ZNF407: variants seen among roughly 807,000 people sequenced by gnomAD.
ZNF407 encodes zinc finger protein 407.
In ZNF407, 17 loss-of-function variants were observed where a neutral mutation model predicts 131.2. The observed-to-expected ratio is 0.13, with a 90% CI of 0.09 to 0.19. The LOEUF is 0.19. Ranked by LOEUF, ZNF407 falls within the 10% of genes least tolerant of loss-of-function variation. ZNF407 has a pLI of 1.00. For missense variants in ZNF407, 2,681 were observed against 2,830.6 expected, an observed-to-expected ratio of 0.95 and a Z score of 1.20; for synonymous variants, 1,156 against 1,062.0, an observed-to-expected ratio of 1.09 and a Z score of -1.72.
chr18:74,890,069 G>T, intron 7 of ZNF407, 31 bp downstream of exon 7: 1 of 1,476,972 alleles, frequency 6.8e-7, no homozygotes, highest in Non-Finnish European at 9.0e-7. Flanking sequence ...AGTCAAATCA[G>T]GTGGGCCGCC....
intron 2 of ZNF407, 71 bp from the exon 3 acceptor site, chr18:74,640,937 A>C: frequency 8.9e-7 from 1 of 1,126,888 alleles, no homozygotes; most frequent in South Asian, 1.3e-5. Flanking sequence ...TTTAAGATTT[A>C]GTCCTCTTTT....
intron 4 of ZNF407, among the ~76,000 whole-genome samples, chr18:74,798,314 C>T (rs1969959934): frequency 6.6e-6 from 1 of 150,556 alleles, no homozygotes; most frequent in East Asian, 1.9e-4. Flanking sequence ...ATGAGGAAAA[C>T]ATTGTAAAGC....
chr18:74,875,625 T>C (rs532123223), intron 4 of ZNF407, among the ~76,000 whole-genome samples: 2 of 152,282 alleles, frequency 1.3e-5, no homozygotes, highest in African/African-American at 4.8e-5. Context: ...GTTAAATGCA[T>C]GAAGACCCGT....
chr18:74,902,749 ACT>A (rs1307628364), intron 7 of ZNF407, among the ~76,000 whole-genome samples: 1 of 152,224 alleles, frequency 6.6e-6, no homozygotes, highest in African/African-American at 2.4e-5. Flanking sequence ...GCAACTGTAG[ACT>A]TAGGGAGCTC....
At chr18:74,777,966 C>T (rs928520922) in intron 3 of ZNF407, among the ~76,000 whole-genome samples, 1 of 152,146 alleles carries the variant, frequency 6.6e-6, no homozygotes, top group Non-Finnish European at 1.5e-5. Flanking sequence ...GCTTCAGTCC[C>T]AGCTACTGGG....
intron 8 of ZNF407, among the ~76,000 whole-genome samples, chr18:74,966,677 A>T (rs1972413580): frequency 6.6e-6 from 1 of 151,884 alleles, no homozygotes; most frequent in Non-Finnish European, 1.5e-5. Context: ...AAATTTTAGG[A>T]TTTTGTGTTT....
At chr18:74,611,227 A>G (rs1983046469) in intron 1 of ZNF407, among the ~76,000 whole-genome samples, 1 of 152,262 alleles carries the variant, frequency 6.6e-6, no homozygotes. Flanking sequence ...GGTATAGGAA[A>G]GGGGTCTTAA....
intron 3 of ZNF407, among the ~76,000 whole-genome samples, chr18:74,663,529 A>C (rs1297961289): frequency 6.6e-6 from 1 of 152,148 alleles, no homozygotes; most frequent in Non-Finnish European, 1.5e-5. Flanking sequence ...TAAGAATAGA[A>C]CGCAGGTCCC....
intron 4 of ZNF407, among the ~76,000 whole-genome samples, chr18:74,798,683 T>G (rs771733269): frequency 2.6e-5 from 4 of 152,154 alleles, no homozygotes; most frequent in Non-Finnish European, 5.9e-5. Flanking sequence ...ATGACAAACT[T>G]TAGTGATAGG....
chr18:74,670,290 A>G (rs1986091653), intron 3 of ZNF407, among the ~76,000 whole-genome samples: 2 of 152,244 alleles, frequency 1.3e-5, no homozygotes, highest in Admixed American at 6.5e-5. Flanking sequence ...TTTAGTTTAA[A>G]GAATCGCATC....
At chr18:75,046,923 G>A (rs894265628) in intron 8 of ZNF407, among the ~76,000 whole-genome samples, 4 of 152,184 alleles carry the variant, frequency 2.6e-5, no homozygotes, top group Non-Finnish European at 5.9e-5. Flanking sequence ...AATAAATTAT[G>A]TTCATGGCAG....
rs147265242 is a variant in ZNF407, at chr18:74,762,497, T to G, written c.4803-18931T>G. ...CATATTTAGACATATGTGTATGTAT[T>G]CTCCATGAAACCTTTACCTCAAACA... On this transcript the variant is annotated intron_variant, in intron 3 of 8. Transcript: ENST00000299687. 1.1e-4 allele frequency among the ~76,000 whole-genome samples: 16 copies of G among 152,208 alleles called. No homozygotes were observed. The East Asian group carries it at 3.1e-3, about 29-fold the overall frequency.
At chr18:74,893,263 A>G (rs1971410323) in intron 7 of ZNF407, among the ~76,000 whole-genome samples, 1 of 152,220 alleles carries the variant, frequency 6.6e-6, no homozygotes, top group East Asian at 1.9e-4. Flanking sequence ...ATCCAGTGAT[A>G]GCTACCAGAT....
chr18:74,731,286 C>T (rs1026708812), intron 3 of ZNF407, among the ~76,000 whole-genome samples: 4 of 152,062 alleles, frequency 2.6e-5, no homozygotes, highest in African/African-American at 7.2e-5. Context: ...AAGACGGTAC[C>T]GTTGGTAAGA....
intron 3 of ZNF407, among the ~76,000 whole-genome samples, chr18:74,733,892 T>C (rs956941682): frequency 1.3e-5 from 2 of 152,230 alleles, no homozygotes; most frequent in African/African-American, 4.8e-5. Context: ...TGTTAGCCTT[T>C]TCTTTGAGAA....
At position 75,064,336 on chromosome 18, in the gene ZNF407, G is replaced by T. The variant is rs193186752; in HGVS notation, c.6615G>T (p.Thr2205=). 278 of 1,593,544 alleles carry T rather than the reference G, an allele frequency of 1.7e-4. No individual in the cohort carries two copies. Among genetic ancestry groups the T allele is most frequent in the Non-Finnish European group, 2.2e-4 (259 of 1,171,034 alleles). ...AGGAACTCCTGCAGGCCGGGGCCACGCTAGGCACAGAGGCCGGGGCCCCAA... is the reference window on the plus strand; with the variant it reads ...AGGAACTCCTGCAGGCCGGGGCCACTCTAGGCACAGAGGCCGGGGCCCCAA... ...DSQELLQAGA[T]LGTEAGAPSR... The change falls in exon 9 of 9, where the codon ACG becomes ACT. Residue 2205 remains threonine, a synonymous_variant. Transcript: ENST00000299687.
intron 4 of ZNF407, among the ~76,000 whole-genome samples, chr18:74,867,708 A>G (rs1442297844): frequency 6.6e-6 from 1 of 152,216 alleles, no homozygotes; most frequent in African/African-American, 2.4e-5. Context: ...GTGTTTTTCC[A>G]TAATGTATGT....
chr18:75,045,275 G>A (rs1973421892), intron 8 of ZNF407, among the ~76,000 whole-genome samples: 1 of 152,296 alleles, frequency 6.6e-6, no homozygotes, highest in Non-Finnish European at 1.5e-5. Context: ...CTAACTGGTG[G>A]TAAGTTATTC....
intron 8 of ZNF407, among the ~76,000 whole-genome samples, chr18:75,060,924 A>T (rs1056990602): frequency 2.2e-4 from 33 of 152,216 alleles, no homozygotes; most frequent in South Asian, 4.1e-4. Context: ...CAAATCCAGG[A>T]CCGTGTTCCT....
Sources: allele counts gnomAD v4.1 joint callset (sites outside exome capture counted in the v4.1 genomes callset), GRCh38; gene constraint gnomAD v4.1.1; transcripts MANE v1.5; gene names NCBI Gene and HGNC (gene_info 2026-07-23, HGNC 2026-07-21).